Variants in PCDHA9 observed in about 807,000 individuals in gnomAD.
PCDHA9 encodes the protein protocadherin alpha 9, also known as protocadherin alpha-9.
A neutral mutation model predicts 62.0 loss-of-function variants in PCDHA9; 62 were observed. The ratio of observed to expected loss-of-function variants is 1.00; its 90% confidence interval spans 0.81 to 1.23. The LOEUF (loss-of-function observed/expected upper bound fraction) is 1.23. PCDHA9 is among the 50% of genes most tolerant of loss of function. The pLI is 0.00. For missense variants in PCDHA9, 1,205 were observed against 1,249.8 expected (o/e 0.96, Z 0.54); for synonymous variants, 557 against 567.6 (o/e 0.98, Z 0.27).
At chr5:140,943,529 A>T (rs1291911076) in intron 1 of PCDHA9, among the ~76,000 whole-genome samples, 1 of 152,220 alleles carries the variant, frequency 6.6e-6, no homozygotes, top group Non-Finnish European at 1.5e-5. Context: ...TCAGTATGCA[A>T]AATGTCATGT....
chr5:140,866,460 A>G (rs2049371963), intron 1 of PCDHA9: 1 of 152,148 alleles, frequency 6.6e-6, no homozygotes, highest in Non-Finnish European at 1.5e-5. Context: ...TTGGCTGGGA[A>G]GCTCATAACA....
intron 1 of PCDHA9, chr5:140,859,407 TA>T (rs1351466050): frequency 4.1e-6 from 1 of 244,528 alleles, no homozygotes; most frequent in African/African-American, 2.3e-5. Context: ...AGGGTTGGGT[TA>T]GATGATATAG....
chr5:140,894,678 G>A (rs2064610623), intron 1 of PCDHA9, among the ~76,000 whole-genome samples: 2 of 151,110 alleles, frequency 1.3e-5, no homozygotes, highest in African/African-American at 4.9e-5. Flanking sequence ...TTCTTGCATA[G>A]CTTTTCATTA....
rs2150445879 is a variant in PCDHA9 at position 140,849,707 on chromosome 5, C to G, written c.1212C>G (p.Tyr404Ter). Reference sequence around the variant, plus strand: ...AGCTGGTGTCCACCTACAAGAATTACTACTCGTTGGTGCTGGACAGAGCTC... The same window carrying G: ...AGCTGGTGTCCACCTACAAGAATTAGTACTCGTTGGTGCTGGACAGAGCTC... The part of the protein sequence containing the change: ...PFKLVSTYKN[Y>*]YSLVLDRALD... Residue 404 changes from tyrosine (Y) to a stop codon, truncating the protein, a stop_gained, in exon 1 of 4, where the codon TAC becomes TAG. Coordinates refer to ENST00000532602, the MANE Select transcript of PCDHA9 (RefSeq NM_031857.2). LOFTEE classifies it high-confidence loss of function. The G allele has an allele frequency of 3.1e-6, 5 of 1,598,540 alleles. No homozygotes were observed. The South Asian group carries it at 3.3e-5, about 11-fold the overall frequency.
intron 1 of PCDHA9, chr5:140,967,010 C>G: frequency 6.2e-7 from 1 of 1,606,340 alleles, no homozygotes. Flanking sequence ...CATCAACCAT[C>G]TGGGTGCGCC....
intron 1 of PCDHA9, chr5:140,927,252 C>A: frequency 6.2e-7 from 1 of 1,614,134 alleles, no homozygotes; most frequent in Non-Finnish European, 8.5e-7. Flanking sequence ...CCAATGACAA[C>A]TCACCTCTCT....
At chr5:140,882,400 C>T (rs782194379) in intron 1 of PCDHA9, 10 of 1,614,172 alleles carry the variant, frequency 6.2e-6, no homozygotes, top group Admixed American at 3.3e-5. Context: ...ACGGCACCTT[C>T]GTGGGCCGCA....
At chr5:140,940,934 G>A (rs155815) in intron 1 of PCDHA9, among the ~76,000 whole-genome samples, 48,303 of 152,082 alleles carry the variant, frequency 0.32, 8,018 homozygotes, top group East Asian at 0.53. Flanking sequence ...TGGCTACTTA[G>A]ACTACGTATT....
intron 1 of PCDHA9, among the ~76,000 whole-genome samples, chr5:140,913,656 T>A (rs2076420236): frequency 6.6e-6 from 1 of 152,152 alleles, no homozygotes; most frequent in African/African-American, 2.4e-5. Context: ...TTCTTTAAGA[T>A]GTATAGTTAG....
chr5:140,936,674 T>C (rs1410690822), intron 1 of PCDHA9, among the ~76,000 whole-genome samples: 6 of 152,228 alleles, frequency 3.9e-5, no homozygotes, highest in African/African-American at 1.4e-4. Context: ...GGACTGTCTA[T>C]TCTGTTTCAT....
At chr5:140,918,595 A>T (rs2078770795) in intron 1 of PCDHA9, among the ~76,000 whole-genome samples, 1 of 152,228 alleles carries the variant, frequency 6.6e-6, no homozygotes, top group Non-Finnish European at 1.5e-5. Context: ...TGTTCTATAG[A>T]TGTTGCTATG....
chr5:140,857,788 G>GCTGC, intron 1 of PCDHA9: 1 of 1,597,732 alleles, frequency 6.3e-7, no homozygotes, highest in South Asian at 1.1e-5. Flanking sequence ...GTGAGCTGGT[G>GCTGC]CTGCGGTCGG....
chr5:140,916,957 T>C (rs1478651535), intron 1 of PCDHA9, among the ~76,000 whole-genome samples: 1 of 152,224 alleles, frequency 6.6e-6, no homozygotes, highest in African/African-American at 2.4e-5. Context: ...TGCTGAGTTC[T>C]GACTGCTGGG....
At chr5:140,954,592 T>G (rs1250050362) in intron 1 of PCDHA9, among the ~76,000 whole-genome samples, 13 of 152,236 alleles carry the variant, frequency 8.5e-5, no homozygotes, top group Non-Finnish European at 5.9e-5. Flanking sequence ...TCTGTTCATG[T>G]TCTTTGCCCA....
intron 1 of PCDHA9, among the ~76,000 whole-genome samples, chr5:140,897,709 T>C (rs1471075981): frequency 6.6e-6 from 1 of 152,212 alleles, no homozygotes; most frequent in Non-Finnish European, 1.5e-5. Context: ...TACCCAGTAA[T>C]GGGATGGCTG....
intron 1 of PCDHA9, chr5:140,927,595 C>A (rs2084392576): frequency 1.2e-6 from 2 of 1,614,038 alleles, no homozygotes; most frequent in South Asian, 2.2e-5. Context: ...TGTATTTGAG[C>A]GCTCCGTATA....
intron 2 of PCDHA9, among the ~76,000 whole-genome samples, chr5:140,981,776 A>T (rs908868836): frequency 2.4e-4 from 36 of 151,980 alleles, no homozygotes; most frequent in African/African-American, 8.0e-4. Context: ...TGAATACTGC[A>T]CCATGTTCTC....
intron 1 of PCDHA9, among the ~76,000 whole-genome samples, chr5:140,956,241 T>G (rs1396335938): frequency 1.3e-5 from 2 of 152,204 alleles, no homozygotes; most frequent in African/African-American, 4.8e-5. Context: ...TCAAGGGGAA[T>G]GCTTCCAGGT....
chr5:140,994,275 T>C (rs1296337913), intron 3 of PCDHA9, among the ~76,000 whole-genome samples: 1 of 152,156 alleles, frequency 6.6e-6, no homozygotes, highest in African/African-American at 2.4e-5. Flanking sequence ...AGGCTGCCTT[T>C]CTTGAGACAG....
Sources: gnomAD v4.1 joint callset for allele counts (sites outside exome capture counted in the v4.1 genomes callset) on GRCh38, gnomAD v4.1.1 for gene constraint, MANE v1.5 for transcripts, NCBI Gene and HGNC (gene_info 2026-07-23, HGNC 2026-07-21) for gene names.